The following DERL3 variants were observed in gnomAD, a reference collection of about 807,000 sequenced individuals.
The protein encoded by DERL3 is derlin 3.
Under a neutral mutation model 23.8 loss-of-function variants are expected in DERL3, and 20 were observed. That is an observed-to-expected ratio of 0.84 (90% CI 0.59 to 1.22). The LOEUF is 1.22. DERL3 is among the 50% of genes most tolerant of loss of function. The pLI, the probability that DERL3 is intolerant of heterozygous loss-of-function variation, is 0.00. For synonymous variants in DERL3, 145 were observed against 132.5 expected (o/e 1.09, Z -0.65); for missense variants, 319 against 304.1 (o/e 1.05, Z -0.36).
Position 23,835,265 on chromosome 22 carries a change from C to T in DERL3, c.*1604G>A. The T allele has an allele frequency of 2.7e-6, 3 of 1,104,078 alleles. No individual in the cohort carries two copies. Among genetic ancestry groups the T allele is most frequent in the Non-Finnish European group, 3.3e-6 (3 of 906,596 alleles). The allele number at this position is 1,104,078 out of a possible 1,614,324, so 68.4% of individuals were successfully genotyped here. On this transcript the variant is annotated 3_prime_UTR_variant, in exon 7 of 7. Transcript: ENST00000318109. ...GTGTCCCCATTCTTCAGAATGGACA[C>T]AGGATCTGGGAGGGCAGCAAACTGG...
chr22:23,834,523 A>G lies in DERL3; in HGVS notation c.*2346T>C. On this transcript the variant is annotated 3_prime_UTR_variant, in exon 7 of 7. Coordinates refer to ENST00000318109, the MANE Select transcript of DERL3 (RefSeq NM_001002862.3). ...TCATGTTCAATTTCTTCAACAGGTCATGTTCAATTTCTTCAAAGTTTTAAC... is the reference window on the plus strand; with the variant it reads ...TCATGTTCAATTTCTTCAACAGGTCGTGTTCAATTTCTTCAAAGTTTTAAC... 1.4e-6 allele frequency: 1 copy of G among 697,698 alleles called. No individual in the cohort carries two copies. Among genetic ancestry groups the G allele is most frequent in the South Asian group, 1.5e-5 (1 of 66,542 alleles). The allele number at this position is 697,698 out of a possible 1,614,324, so 43.2% of individuals were successfully genotyped here.
chr22:23,837,773 G>A lies in DERL3; in HGVS notation c.409C>T (p.Pro137Ser), dbSNP rs531760398. The A allele has an allele frequency of 2.5e-6, 4 of 1,613,928 alleles. No individual in the cohort carries two copies. In the East Asian group the frequency reaches 8.9e-5, roughly 36 times the overall value. ...CCGAAGAAGTTGACCCTCACCCGAG[G>A]GCTGCGGCGGCTCCACACGTACACC... ...MLVYVWSRRS[P>S]RVRVNFFGLL... The change falls in exon 5 of 7, where the codon CCT becomes TCT. Residue 137 changes from proline (P) to serine (S), a missense_variant. Coordinates refer to ENST00000318109, the MANE Select transcript of DERL3 (RefSeq NM_001002862.3).
At position 23,836,930 on chromosome 22, in the gene DERL3, G is replaced by T; in HGVS notation, c.647C>A (p.Pro216His). 1 of 1,562,090 alleles carries T rather than the reference G, an allele frequency of 6.4e-7. No individual in the cohort carries two copies. The highest frequency in any genetic ancestry group is 2.3e-5 in the East Asian group (1 of 43,306). ...KLLLDAPAED[P>H]NYLPLPEEQP... ...TTCCTCAGGGAGGGGCAGGTAATTG[G>T]GGTCTTCTGCAGGGGCATCCAGGAG... The change falls in exon 7 of 7, where the codon CCC becomes CAC. Residue 216 changes from proline (P) to histidine (H), a missense_variant. By Grantham distance (77) the Pro-to-His change is moderately conservative. Coordinates refer to ENST00000318109, the MANE Select transcript of DERL3 (RefSeq NM_001002862.3).
Position 23,834,701 on chromosome 22 carries a change from C to T in DERL3, c.*2168G>A. 7.5e-7 allele frequency: 1 copy of T among 1,333,872 alleles called. No homozygotes were observed. Among genetic ancestry groups the T allele is most frequent in the Non-Finnish European group, 1.0e-6 (1 of 993,664 alleles). 82.6% of individuals were successfully genotyped at this position (1,333,872 alleles called of 1,614,324 possible). ...GGGGCTCCGGGTAGCACCTCAGCTC[C>T]TCTCAGCTCCCCTCAGCCTGTTCTC... On this transcript the variant is annotated 3_prime_UTR_variant, in exon 7 of 7. Coordinates refer to ENST00000318109, the MANE Select transcript of DERL3 (RefSeq NM_001002862.3).
In DERL3 at chr22:23,838,370, G is replaced by A. The variant is rs145966230; in HGVS notation, c.309C>T (p.Phe103=). 8.1e-5 allele frequency: 131 copies of A among 1,608,892 alleles called. 1 individual carries two copies. The Middle Eastern group carries it at 3.5e-3, about 43-fold the overall frequency. ...RTADFVFMFL[F]GGVLMTLLGL... is the part of the protein sequence containing the mutation. ...AGGATACGGTCATAAGGACGCCCCC[G>A]AAGAGAAACATGAAGACGAAGTCGG... The change falls in exon 4 of 7, where the codon TTC becomes TTT. Residue 103 remains phenylalanine, a synonymous_variant. Coordinates refer to ENST00000318109, the MANE Select transcript of DERL3 (RefSeq NM_001002862.3).
At position 23,835,349 on chromosome 22, in the gene DERL3, C is replaced by T. The variant is rs2030961525; in HGVS notation, c.*1520G>A. On this transcript the variant is annotated 3_prime_UTR_variant, in exon 7 of 7. Coordinates refer to ENST00000318109, the MANE Select transcript of DERL3 (RefSeq NM_001002862.3). ...ACAGATCCGGGCACAGATCCCAGCACAGACTGCTGCCACCCTCAGCTGTTG... is the reference window on the plus strand; with the variant it reads ...ACAGATCCGGGCACAGATCCCAGCATAGACTGCTGCCACCCTCAGCTGTTG... 1 of 995,836 alleles carries T rather than the reference C, an allele frequency of 1.0e-6. No individual in the cohort carries two copies. The highest frequency in any genetic ancestry group is 1.2e-6 in the Non-Finnish European group (1 of 837,396). 61.7% of individuals were successfully genotyped at this position (995,836 alleles called of 1,614,324 possible).
Position 23,836,376 on chromosome 22 carries a change from T to TA in DERL3, c.*492dup. ...AAGGCACCACTGGCAGGAACATCTGTAGGCTGGTTTGGCACAACCTAGGAG... is the reference window on the plus strand; with the variant it reads ...AAGGCACCACTGGCAGGAACATCTGTAAGGCTGGTTTGGCACAACCTAGGAG... On this transcript the variant is annotated 3_prime_UTR_variant, in exon 7 of 7. Coordinates refer to ENST00000318109, the MANE Select transcript of DERL3 (RefSeq NM_001002862.3). 1.0e-6 allele frequency: 1 copy of TA among 985,574 alleles called. No individual in the cohort carries two copies. Among genetic ancestry groups the TA allele is most frequent in the Non-Finnish European group, 1.2e-6 (1 of 829,964 alleles). The allele number at this position is 985,574 out of a possible 1,614,324, so 61.1% of individuals were successfully genotyped here. A position where few individuals can be genotyped will look rare whatever the true frequency, so the allele number is the denominator to read the frequency against.
chr22:23,835,213 C>T lies in DERL3; in HGVS notation c.*1656G>A. The T allele has an allele frequency of 2.4e-6, 3 of 1,251,944 alleles. No individual in the cohort carries two copies. The highest frequency in any genetic ancestry group is 3.3e-5 in the East Asian group (1 of 30,064). 77.6% of individuals were successfully genotyped at this position (1,251,944 alleles called of 1,614,324 possible). A position where few individuals can be genotyped will look rare whatever the true frequency, so the allele number is the denominator to read the frequency against. On this transcript the variant is annotated 3_prime_UTR_variant, in exon 7 of 7. Coordinates refer to ENST00000318109, the MANE Select transcript of DERL3 (RefSeq NM_001002862.3). Reference sequence around the variant, plus strand: ...GCCCTGCCTCCAAGGAGTTCATGTCCCCTCTGTTCTCATCTGTAATAGGGA... The same window carrying T: ...GCCCTGCCTCCAAGGAGTTCATGTCTCCTCTGTTCTCATCTGTAATAGGGA...
At position 23,837,828 on chromosome 22, in the gene DERL3, G is replaced by T. The variant is rs374746855; in HGVS notation, c.354C>A (p.Phe118Leu). 6.2e-7 allele frequency: 1 copy of T among 1,613,406 alleles called. No homozygotes were observed. The highest frequency in any genetic ancestry group is 8.5e-7 in the Non-Finnish European group (1 of 1,179,748). ...MTLLGLLGSL[F>L]FLGQALMAML... ...TGGCCATGAGGGCCTGGCCCAGGAAGAACAGGCTGCCCAGGAGTCCCAGCA... is the reference window on the plus strand; with the variant it reads ...TGGCCATGAGGGCCTGGCCCAGGAATAACAGGCTGCCCAGGAGTCCCAGCA... Residue 118 changes from phenylalanine to leucine, a missense_variant, in exon 5 of 7, where the codon TTC (phenylalanine) becomes TTA (leucine). By Grantham distance (22) the Phe-to-Leu change is conservative. Transcript: ENST00000318109.
chr22:23,835,886 A>G lies in DERL3; in HGVS notation c.*983T>C, dbSNP rs1001815495. 2 of 985,376 alleles carry G rather than the reference A, an allele frequency of 2.0e-6. No individual in the cohort carries two copies. Among genetic ancestry groups the G allele is most frequent in the African/African-American group, 3.5e-5 (2 of 57,250 alleles). The allele number at this position is 985,376 out of a possible 1,614,324, so 61.0% of individuals were successfully genotyped here. ...CCCTCACTCCTGACCGCCAGCTCAC[A>G]CCGCCGCAAAGCCATCTCCACAAGG... On this transcript the variant is annotated 3_prime_UTR_variant, in exon 7 of 7. Coordinates refer to ENST00000318109, the MANE Select transcript of DERL3 (RefSeq NM_001002862.3).
Position 23,837,293 on chromosome 22 carries a change from G to A in DERL3, c.524-139C>T, listed in dbSNP as rs968796765. 7.0e-6 allele frequency: 8 copies of A among 1,147,728 alleles called. No homozygotes were observed. In the African/African-American group the frequency reaches 1.1e-4, roughly 16 times the overall value. The allele number at this position is 1,147,728 out of a possible 1,614,324, so 71.1% of individuals were successfully genotyped here. On this transcript the variant is annotated intron_variant, in intron 5 of 6. Coordinates refer to ENST00000318109, the MANE Select transcript of DERL3 (RefSeq NM_001002862.3). ...TGAGTGCCCCAAAGCCTTGCACAGA[G>A]TGCCAGCCCCGGGTTGGCCGTGAAG...
rs144407339 is a variant in DERL3, at chr22:23,837,123, C to G, written c.555G>C (p.Leu185=). ...CAGGCTGGTTGGGGAAGACGTCCTC[C>G]AGGAAGTAGTAGATATGGCCCACCG... ...GIAVGHIYYF[L]EDVFPNQPGG... is the part of the protein sequence containing the mutation. Residue 185 remains leucine, a synonymous_variant, in exon 6 of 7, where the codon CTG becomes CTC. Coordinates refer to ENST00000318109, the MANE Select transcript of DERL3 (RefSeq NM_001002862.3). 61 of 1,613,868 alleles carry G rather than the reference C, an allele frequency of 3.8e-5. No homozygotes were observed. Among genetic ancestry groups the G allele is most frequent in the Non-Finnish European group, 5.0e-5 (59 of 1,179,938 alleles).
chr22:23,836,999 C>T (rs372554198), intron 6 of DERL3, 37 bp from the exon 7 acceptor site: 1 of 1,611,398 alleles, frequency 6.2e-7, no homozygotes, highest in Non-Finnish European at 8.5e-7. Context: ...CAGGCCAGCA[C>T]AGGTCCCCAT....
chr22:23,834,873 C>T lies in DERL3; in HGVS notation c.*1996G>A, dbSNP rs373086060. 3.7e-6 allele frequency: 6 copies of T among 1,612,488 alleles called. No individual in the cohort carries two copies. The highest frequency in any genetic ancestry group is 5.1e-6 in the Non-Finnish European group (6 of 1,179,804). On this transcript the variant is annotated 3_prime_UTR_variant, in exon 7 of 7. Transcript: ENST00000318109. ...TCCTGCCGTCCCTGGGCCGCCCTGG[C>T]TCTGCTGTGTCCAGATGGTCAGGCT...
In DERL3 at chr22:23,838,932, G is replaced by T. The variant is rs1026766847; in HGVS notation, c.56C>A (p.Ala19Asp). ...EFLQVPAVTR[A>D]YTAACVLTTA... is the part of the protein sequence containing the mutation. ...GGTGAGGACACAGGCTGCGGTGTAAGCCCGCGTCACCGCCGGCACCTGCAG... is the reference window on the plus strand; with the variant it reads ...GGTGAGGACACAGGCTGCGGTGTAATCCCGCGTCACCGCCGGCACCTGCAG... Residue 19 changes from alanine to aspartate, a missense_variant, in exon 1 of 7, where the codon GCT becomes GAT. Physicochemically the swap from Ala to Asp is moderately radical, Grantham distance 126 (BLOSUM62 -2). Transcript: ENST00000318109. The T allele has an allele frequency of 2.0e-5, 32 of 1,579,306 alleles. No individual in the cohort carries two copies. Among genetic ancestry groups the T allele is most frequent in the South Asian group, 4.6e-5 (4 of 86,954 alleles).
chr22:23,837,827 A>G lies in DERL3; in HGVS notation c.355T>C (p.Phe119Leu). Residue 119 changes from phenylalanine (F) to leucine (L), a missense_variant, in exon 5 of 7, where the codon TTC becomes CTC. Phe to Leu is a conservative substitution (Grantham distance 22). Transcript: ENST00000318109. ...ATGGCCATGAGGGCCTGGCCCAGGAAGAACAGGCTGCCCAGGAGTCCCAGC... is the reference window on the plus strand; with the variant it reads ...ATGGCCATGAGGGCCTGGCCCAGGAGGAACAGGCTGCCCAGGAGTCCCAGC... ...TLLGLLGSLF[F>L]LGQALMAMLV... The G allele has an allele frequency of 6.2e-7, 1 of 1,613,364 alleles. No individual in the cohort carries two copies. Among genetic ancestry groups the G allele is most frequent in the South Asian group, 1.1e-5 (1 of 91,068 alleles).
intron 5 of DERL3, 133 bp downstream of exon 5, chr22:23,837,526 G>A (rs1162960733): frequency 6.3e-6 from 6 of 947,624 alleles, no homozygotes; most frequent in Non-Finnish European, 9.4e-6. Flanking sequence ...CAGCTGGGAG[G>A]GCAGGAAGAT....
chr22:23,838,046 C>T, intron 4 of DERL3, 192 bp from the exon 5 acceptor site: 3 of 1,405,938 alleles, frequency 2.1e-6, no homozygotes, highest in Non-Finnish European at 2.8e-6. Flanking sequence ...ACACCTACAG[C>T]CTCATCCCAG....
intron 5 of DERL3, 161 bp from the exon 6 acceptor site, chr22:23,837,315 G>A (rs9612485): frequency 0.16 from 148,279 of 946,682 alleles, 15,936 homozygotes; most frequent in African/African-American, 0.46. Context: ...GGTTGGCCGT[G>A]AAGGACAAGC....
Sources: gnomAD v4.1 joint callset for allele counts on GRCh38, gnomAD v4.1.1 for gene constraint, MANE v1.5 for transcripts, NCBI Gene and HGNC (gene_info 2026-07-23, HGNC 2026-07-21) for gene names.